Variants in MROH9 observed in about 807,000 individuals in gnomAD.
MROH9 encodes maestro heat-like repeat-containing protein family member 9.
MROH9 carries 92 observed loss-of-function variants against 98.2 expected under a neutral mutation model. The ratio of observed to expected loss-of-function variants is 0.94; its 90% CI spans 0.79 to 1.11. MROH9 has a LOEUF of 1.11. MROH9 is among the 50% of genes most tolerant of loss of function. The probability of loss-of-function intolerance (pLI) is 0.00; values close to 1 mark genes in which losing one functional copy is unlikely to be tolerated. For missense variants in MROH9, 1,057 were observed against 1,014.8 expected (o/e 1.04, Z -0.57); for synonymous variants, 397 against 368.9 (o/e 1.08, Z -0.87).
chr1:171,062,629 T>C (rs981560979), intron 21 of MROH9, among the ~76,000 whole-genome samples: 2 of 152,244 alleles, frequency 1.3e-5, no homozygotes, highest in Admixed American at 6.5e-5. Context: ...TGGATAGCAA[T>C]GTACAATACA....
intron 8 of MROH9, among the ~76,000 whole-genome samples, chr1:170,982,921 T>G (rs947041036): frequency 6.6e-6 from 1 of 152,024 alleles, no homozygotes; most frequent in Non-Finnish European, 1.5e-5. Context: ...AAAAACAAAA[T>G]CAGTAAATAA....
chr1:171,014,177 T>G lies in MROH9; in HGVS notation c.1657T>G (p.Trp553Gly), dbSNP rs1652252856. ...PEEFLVLFINWINDSNPVVSR... is the reference protein window; with the variant it reads ...PEEFLVLFINGINDSNPVVSR... ...AGAATTTTTGGTCCTCTTCATAAAC[T>G]GGATCAATGATTCCAATCCTGTAGT... is the stretch of plus-strand genomic sequence containing the variant. The change falls in exon 16 of 22, where the codon TGG becomes GGG. Residue 553 changes from tryptophan to glycine, a missense_variant. Coordinates refer to ENST00000367759, the MANE Select transcript of MROH9 (RefSeq NM_001163629.2). The G allele has an allele frequency of 1.3e-6, 2 of 1,550,918 alleles. No homozygotes were observed. The highest frequency in any genetic ancestry group is 1.4e-5 in the African/African-American group (1 of 73,170).
chr1:170,955,039 A>T (rs1022097701), intron 3 of MROH9, among the ~76,000 whole-genome samples: 4 of 152,096 alleles, frequency 2.6e-5, no homozygotes, highest in African/African-American at 9.7e-5. Context: ...CTTAGCTCCC[A>T]CATATCACAG....
At chr1:171,011,128 A>C (rs1292804563) in intron 15 of MROH9, among the ~76,000 whole-genome samples, 3 of 152,214 alleles carry the variant, frequency 2.0e-5, no homozygotes, top group African/African-American at 7.2e-5. Context: ...GAGAATGAGA[A>C]GAGAGACAGA....
chr1:171,012,143 T>C (rs1023839121), intron 15 of MROH9, among the ~76,000 whole-genome samples: 13 of 152,096 alleles, frequency 8.5e-5, no homozygotes, highest in Non-Finnish European at 1.5e-4. Flanking sequence ...AGTTCCTCTG[T>C]GGTTTAAGAT....
At chr1:171,061,502 G>A (rs910694284) in intron 20 of MROH9, among the ~76,000 whole-genome samples, 5 of 152,096 alleles carry the variant, frequency 3.3e-5, no homozygotes, top group South Asian at 2.1e-4. Context: ...TGATGCATTC[G>A]TAAGATGTAC....
At chr1:170,969,448 C>T (rs1442473613) in intron 7 of MROH9, among the ~76,000 whole-genome samples, 2 of 152,044 alleles carry the variant, frequency 1.3e-5, no homozygotes, top group Non-Finnish European at 2.9e-5. Flanking sequence ...ATTAGTAAAA[C>T]ACAAAAGTAG....
chr1:170,958,431 T>TCTC, intron 3 of MROH9, 30 bp from the exon 4 acceptor site: 1 of 786,272 alleles, frequency 1.3e-6, no homozygotes, highest in South Asian at 2.0e-5. Context: ...TAATTCTTCT[T>TCTC]TTTTTTTTTT....
rs2101806391 is a variant in MROH9 at position 170,989,945 on chromosome 1, T to G, written c.970T>G (p.Cys324Gly). 1 of 1,613,520 alleles carries G rather than the reference T, an allele frequency of 6.2e-7. No homozygotes were observed. The highest frequency in any genetic ancestry group is 2.2e-5 in the East Asian group (1 of 44,880). Reference sequence around the variant, plus strand: ...GTTGCAGGTTATCACTTTGTTGACATGCACTTCACCCAAGAAGGTCATCTT... The same window carrying G: ...GTTGCAGGTTATCACTTTGTTGACAGGCACTTCACCCAAGAAGGTCATCTT... Reference protein sequence around the residue: ...VMLQVITLLTCTSPKKVIFQL... With the variant: ...VMLQVITLLTGTSPKKVIFQL... The change falls in exon 11 of 22, where the codon TGC becomes GGC. Residue 324 changes from cysteine (C) to glycine (G), a missense_variant. Physicochemically the swap from Cys to Gly is radical, Grantham distance 159. Coordinates refer to ENST00000367759, the MANE Select transcript of MROH9 (RefSeq NM_001163629.2).
At chr1:170,988,048 C>T (rs75943671) in intron 10 of MROH9, among the ~76,000 whole-genome samples, 1 of 152,292 alleles carries the variant, frequency 6.6e-6, no homozygotes, top group East Asian at 1.9e-4. Context: ...TACTGTATGT[C>T]CTCTGCTCCA....
At chr1:170,981,980 A>G (rs1373491468) in intron 8 of MROH9, among the ~76,000 whole-genome samples, 2 of 152,182 alleles carry the variant, frequency 1.3e-5, no homozygotes, top group Non-Finnish European at 2.9e-5. Context: ...GCTCACATAC[A>G]TTGCGGGTGA....
chr1:170,958,505 A>G lies in MROH9; in HGVS notation c.117A>G (p.Leu39=), dbSNP rs754985050. ...NSLLDAYSGL[L]SNESMILAVN... ...TATTGGATGCATACTCAGGCCTGTTAAGTAATGAATCCATGATCCTGGCTG... is the reference window on the plus strand; with the variant it reads ...TATTGGATGCATACTCAGGCCTGTTGAGTAATGAATCCATGATCCTGGCTG... The change falls in exon 4 of 22, where the codon TTA becomes TTG. Residue 39 remains leucine, a synonymous_variant. Coordinates refer to ENST00000367759, the MANE Select transcript of MROH9 (RefSeq NM_001163629.2). 5.6e-6 allele frequency: 9 copies of G among 1,596,994 alleles called. 1 individual carries two copies. The highest frequency in any genetic ancestry group is 1.7e-4 in the Middle Eastern group (1 of 6,022).
chr1:170,977,889 G>A (rs1027582499), intron 8 of MROH9, among the ~76,000 whole-genome samples: 2 of 152,182 alleles, frequency 1.3e-5, no homozygotes, highest in East Asian at 3.9e-4. Flanking sequence ...TCTGTGCTGT[G>A]GGCCCAAGCT....
chr1:171,028,259 C>T (rs1571150985), intron 20 of MROH9, among the ~76,000 whole-genome samples: 2 of 152,146 alleles, frequency 1.3e-5, no homozygotes, highest in African/African-American at 4.8e-5. Flanking sequence ...AGCCAGTTTT[C>T]GCAGCACCAT....
At position 170,945,528 on chromosome 1, in the gene MROH9, G is replaced by T. The variant is rs757763007; in HGVS notation, c.-29G>T. 12 of 1,611,430 alleles carry T rather than the reference G, an allele frequency of 7.4e-6. No individual in the cohort carries two copies. The highest frequency in any genetic ancestry group is 3.3e-4 in the Middle Eastern group (2 of 6,060). ...CGTGATATTTTTTGCAGCATTACTA[G>T]TAGAAGACTTTAATACACCTCTGTC... is the stretch of plus-strand genomic sequence containing the variant. On this transcript the variant is annotated 5_prime_UTR_variant, in exon 2 of 22. Transcript: ENST00000367759.
At chr1:171,051,930 G>GATT (rs1653681275) in intron 20 of MROH9, among the ~76,000 whole-genome samples, 1 of 152,254 alleles carries the variant, frequency 6.6e-6, no homozygotes, top group East Asian at 1.9e-4. Flanking sequence ...TGATAGCAGG[G>GATT]TAATGATGGC....
rs544437307 is a variant in MROH9, at chr1:171,034,241, G to A, written c.2281+8821G>A. 6.0e-4 allele frequency among the ~76,000 whole-genome samples: 92 copies of A among 152,230 alleles called. 1 individual carries two copies. The highest frequency in any genetic ancestry group is 2.1e-3 in the African/African-American group (87 of 41,540). The stretch of plus-strand genomic sequence containing the variant: ...CAGCACAATTTTATCCAGCTATACA[G>A]ATAACAGAACATTATTTTCAAAAAG... On this transcript the variant is annotated intron_variant, in intron 20 of 21. Coordinates refer to ENST00000367759, the MANE Select transcript of MROH9 (RefSeq NM_001163629.2).
At chr1:170,963,317 A>T (rs1650099930) in intron 6 of MROH9, among the ~76,000 whole-genome samples, 1 of 152,188 alleles carries the variant, frequency 6.6e-6, no homozygotes, top group Non-Finnish European at 1.5e-5. Context: ...ATTCTTAAAA[A>T]GTCAAAAAAC....
At chr1:170,986,508 C>T in intron 9 of MROH9, 53 bp from the exon 10 acceptor site, 2 of 1,570,930 alleles carry the variant, frequency 1.3e-6, no homozygotes, top group Non-Finnish European at 1.7e-6. Flanking sequence ...GTTTAGCTGT[C>T]TTATGTTGGT....
Sources: allele counts gnomAD v4.1 joint callset (sites outside exome capture counted in the v4.1 genomes callset), GRCh38; gene constraint gnomAD v4.1.1; transcripts MANE v1.5; gene names NCBI Gene and HGNC (gene_info 2026-07-23, HGNC 2026-07-21).